Variants in EEFSEC observed in about 807,000 individuals in gnomAD.
The protein encoded by EEFSEC is eukaryotic elongation factor, selenocysteine-tRNA specific, also known as selenocysteine-specific elongation factor.
Under a neutral mutation model 42.1 loss-of-function variants are expected in EEFSEC, and 43 were observed. The ratio of observed to expected loss-of-function variants is 1.02; its 90% CI spans 0.80 to 1.32. The LOEUF (loss-of-function observed/expected upper bound fraction) is 1.32. EEFSEC is among the 40% of genes most tolerant of loss of function. The pLI is 0.00. For synonymous variants in EEFSEC, 354 were observed against 339.1 expected, an observed-to-expected ratio of 1.04 and a Z score of -0.48; for missense variants, 745 against 803.6, an observed-to-expected ratio of 0.93 and a Z score of 0.88.
chr3:128,301,858 G>T (rs2999036), intron 4 of EEFSEC, among the ~76,000 whole-genome samples: 9 of 151,940 alleles, frequency 5.9e-5, no homozygotes, highest in Non-Finnish European at 1.2e-4. Flanking sequence ...ACTCCCATGG[G>T]GGGCAGGAAA....
intron 6 of EEFSEC, among the ~76,000 whole-genome samples, chr3:128,366,682 A>T (rs779248647): frequency 7.2e-5 from 11 of 152,240 alleles, no homozygotes; most frequent in Non-Finnish European, 2.9e-5. Context: ...GGTATCAGAC[A>T]TAGTGTTGGG....
intron 6 of EEFSEC, among the ~76,000 whole-genome samples, chr3:128,400,201 C>A (rs1297205181): frequency 6.6e-6 from 1 of 152,258 alleles, no homozygotes. Flanking sequence ...ACCTCCGTGA[C>A]CACCTGTGGC....
intron 1 of EEFSEC, among the ~76,000 whole-genome samples, chr3:128,206,855 G>A (rs532545540): frequency 6.6e-6 from 1 of 152,236 alleles, no homozygotes; most frequent in East Asian, 1.9e-4. Context: ...CTCACGGCTG[G>A]CCCGGAGACA....
chr3:128,341,916 A>G (rs1336565193), intron 5 of EEFSEC, 27 bp downstream of exon 5: 5 of 1,595,996 alleles, frequency 3.1e-6, no homozygotes, highest in Non-Finnish European at 4.3e-6. Context: ...CTGGCCCCAC[A>G]CCCCTTCCCT....
intron 4 of EEFSEC, among the ~76,000 whole-genome samples, chr3:128,280,445 G>A (rs1186020518): frequency 6.6e-6 from 1 of 152,176 alleles, no homozygotes; most frequent in Non-Finnish European, 1.5e-5. Flanking sequence ...CTCGGCTTTG[G>A]CCTGGAAAGT....
intron 1 of EEFSEC, among the ~76,000 whole-genome samples, chr3:128,158,702 A>G (rs557991572): frequency 2.2e-4 from 34 of 152,364 alleles, no homozygotes; most frequent in South Asian, 2.1e-3. Context: ...TCATGTAAAC[A>G]TAACTTTTAT....
the EEFSEC span, among the ~76,000 whole-genome samples, chr3:128,421,828 G>A: frequency 4.9e-4 from 75 of 152,292 alleles, 1 homozygote; most frequent in South Asian, 0.015. Context: ...ACCACATTAG[G>A]GTCTCAGCCC....
At chr3:128,260,978 A>AAAAC (rs2066291051) in intron 2 of EEFSEC, among the ~76,000 whole-genome samples, 1 of 149,440 alleles carries the variant, frequency 6.7e-6, no homozygotes. Flanking sequence ...AAAAAAAAAA[A>AAAAC]AAAACATTCA....
chr3:128,207,908 A>G (rs1331845875), intron 1 of EEFSEC, among the ~76,000 whole-genome samples: 11 of 152,050 alleles, frequency 7.2e-5, no homozygotes, highest in Non-Finnish European at 1.6e-4. Flanking sequence ...TTCAGGGCTT[A>G]TTGTCTGTGG....
At chr3:128,173,978 C>T (rs1227934909) in intron 1 of EEFSEC, among the ~76,000 whole-genome samples, 2 of 152,190 alleles carry the variant, frequency 1.3e-5, no homozygotes, top group Non-Finnish European at 2.9e-5. Context: ...TATCCGCATT[C>T]TCGCACAGAT....
At chr3:128,277,934 A>G (rs144930828) in intron 4 of EEFSEC, among the ~76,000 whole-genome samples, 60 of 152,346 alleles carry the variant, frequency 3.9e-4, no homozygotes, top group African/African-American at 1.4e-3. Flanking sequence ...CAAAGGCCCC[A>G]TGGTGGGAGA....
rs141545650 is a variant in EEFSEC, at chr3:128,195,878, G to T, written c.316+42055G>T. ...AGAGCTCTGGCCCTTCTCCCAAACA[G>T]AACGCATATAACTATTTCAGGAAGT... On this transcript the variant is annotated intron_variant, in intron 1 of 6. Coordinates refer to ENST00000254730, the MANE Select transcript of EEFSEC (RefSeq NM_021937.5). Among the ~76,000 whole-genome samples, 481 of 152,328 alleles carry T rather than the reference G, an allele frequency of 3.2e-3. 4 individuals carry two copies. The highest frequency in any genetic ancestry group is 0.011 in the African/African-American group (457 of 41,578).
intron 4 of EEFSEC, among the ~76,000 whole-genome samples, chr3:128,308,189 C>G (rs2066852487): frequency 6.6e-6 from 1 of 152,228 alleles, no homozygotes; most frequent in Admixed American, 6.5e-5. Context: ...GGCTGGAGGC[C>G]AAGCTTGGCC....
chr3:128,353,139 A>G (rs1275054260), intron 5 of EEFSEC, among the ~76,000 whole-genome samples: 1 of 152,270 alleles, frequency 6.6e-6, no homozygotes, highest in African/African-American at 2.4e-5. Context: ...ATATATTCAA[A>G]TAACTTTAAA....
chr3:128,156,748 ATGT>A (rs754475214), intron 1 of EEFSEC, among the ~76,000 whole-genome samples: 2 of 152,202 alleles, frequency 1.3e-5, no homozygotes, highest in Non-Finnish European at 1.5e-5. Flanking sequence ...AACTTAATAA[ATGT>A]TGTGTGTTTT....
chr3:128,416,338 C>T, the EEFSEC span, among the ~76,000 whole-genome samples: 27,221 of 152,132 alleles, frequency 0.18, 2,679 homozygotes, highest in African/African-American at 0.25. Context: ...CCCTGCAGGA[C>T]CTCCCCACAG....
chr3:128,405,930 C>A (rs2068104165), intron 6 of EEFSEC, among the ~76,000 whole-genome samples: 1 of 152,238 alleles, frequency 6.6e-6, no homozygotes, highest in African/African-American at 2.4e-5. Context: ...CTGCCTTCAC[C>A]CCCACCTGCC....
intron 4 of EEFSEC, among the ~76,000 whole-genome samples, chr3:128,320,721 T>G (rs1212697079): frequency 6.6e-6 from 1 of 152,204 alleles, no homozygotes; most frequent in Non-Finnish European, 1.5e-5. Context: ...GTGACCATTC[T>G]CTCGAGGAGG....
At chr3:128,217,779 A>AG (rs1258604967) in intron 1 of EEFSEC, among the ~76,000 whole-genome samples, 2 of 152,270 alleles carry the variant, frequency 1.3e-5, no homozygotes, top group African/African-American at 4.8e-5. Flanking sequence ...GACAGTCCTC[A>AG]GGGGAAACCT....
Sources: allele counts gnomAD v4.1 joint callset (sites outside exome capture counted in the v4.1 genomes callset), GRCh38; gene constraint gnomAD v4.1.1; transcripts MANE v1.5; gene names NCBI Gene and HGNC (gene_info 2026-07-23, HGNC 2026-07-21).